Variants in ANO5 observed in about 807,000 individuals in gnomAD.
The protein encoded by ANO5 is anoctamin-5.
Under a neutral mutation model 121.0 loss-of-function variants are expected in ANO5, and 109 were observed. The observed-to-expected ratio is 0.90, with a 90% CI of 0.77 to 1.06. ANO5 has a LOEUF of 1.06. Ranked by LOEUF, ANO5 falls within the 50% of genes least tolerant of loss-of-function variation. ANO5 has a pLI of 0.00. For synonymous variants in ANO5, 406 were observed against 359.9 expected (o/e 1.13, Z -1.45); for missense variants, 1,064 against 1,078.5 (o/e 0.99, Z 0.19).
intron 9 of ANO5, among the ~76,000 whole-genome samples, chr11:22,245,663 C>T (rs775970334): frequency 3.3e-5 from 5 of 152,068 alleles, no homozygotes; most frequent in Non-Finnish European, 4.4e-5. Flanking sequence ...TTTTTATGGA[C>T]GTGGCCTACC....
rs139303302 is a variant in ANO5 at position 22,270,346 on chromosome 11, C to T, written c.1933C>T (p.Arg645Trp). Residue 645 changes from arginine (R) to tryptophan (W), a missense_variant, in exon 18 of 22, where the codon CGG (arginine) becomes TGG (tryptophan). Physicochemically the swap from Arg to Trp is moderately radical, Grantham distance 101. Coordinates refer to ENST00000324559, the MANE Select transcript of ANO5 (RefSeq NM_213599.3). ...ALNWWRRRKA[R>W]TNSEKLYSRW... is the part of the protein sequence containing the mutation. ...GAATTGGTGGAGACGCCGAAAAGCT[C>T]GGACAAACTCTGAGAAGCTGTATAG... is the stretch of plus-strand genomic sequence containing the variant. 19 of 1,614,120 alleles carry T rather than the reference C, an allele frequency of 1.2e-5. No homozygotes were observed. The African/African-American group carries it at 2.3e-4, about 19-fold the overall frequency.
intron 17 of ANO5, among the ~76,000 whole-genome samples, chr11:22,269,476 AAAGAAAGGAAAGAAAAAAGAAAAGG>A (rs757793241): frequency 0.26 from 19,758 of 77,478 alleles, 2,007 homozygotes; most frequent in Non-Finnish European, 0.33. Flanking sequence ...AGAAAAAAGA[AAAGAAAGGAAAGAAAAAAGAAAAGG>A]AAGGAAAGAA....
chr11:22,243,170 A>G (rs895493648), intron 9 of ANO5, among the ~76,000 whole-genome samples: 5 of 151,982 alleles, frequency 3.3e-5, no homozygotes, highest in African/African-American at 1.2e-4. Context: ...AGATGATCAT[A>G]TGTTAATAGT....
At chr11:22,250,166 G>A (rs1853756790) in intron 9 of ANO5, 71 bp from the exon 10 acceptor site, 1 of 1,415,236 alleles carries the variant, frequency 7.1e-7, no homozygotes. Context: ...ATGCCTGTCT[G>A]AATACAAAAT....
chr11:22,268,681 C>A (rs1403908020), intron 17 of ANO5, among the ~76,000 whole-genome samples: 1 of 152,084 alleles, frequency 6.6e-6, no homozygotes, highest in Non-Finnish European at 1.5e-5. Flanking sequence ...TTATTTTGTT[C>A]TTGATTCTAA....
At chr11:22,256,096 A>G (rs899217159) in intron 13 of ANO5, among the ~76,000 whole-genome samples, 1 of 152,172 alleles carries the variant, frequency 6.6e-6, no homozygotes, top group African/African-American at 2.4e-5. Flanking sequence ...AGAAGTCTAC[A>G]TATTAGAATG....
intron 1 of ANO5, among the ~76,000 whole-genome samples, chr11:22,194,865 TTTGC>T (rs1851758176): frequency 3.9e-5 from 6 of 152,210 alleles, no homozygotes; most frequent in Admixed American, 3.9e-4. Flanking sequence ...TCCACTTTCT[TTTGC>T]TTCTATGAAT....
intron 9 of ANO5, 100 bp downstream of exon 9, chr11:22,239,784 AT>A: frequency 1.1e-6 from 1 of 873,138 alleles, no homozygotes; most frequent in South Asian, 1.4e-5. Context: ...CTCCCACTAC[AT>A]TTCACAACTT....
intron 1 of ANO5, among the ~76,000 whole-genome samples, chr11:22,201,307 T>G (rs1266371138): frequency 4.6e-5 from 7 of 152,208 alleles, no homozygotes; most frequent in Non-Finnish European, 8.8e-5. Context: ...GTGCTCACTT[T>G]TCAGAAACTT....
intron 17 of ANO5, among the ~76,000 whole-genome samples, chr11:22,267,508 T>TTATATA (rs567878499): frequency 1.6e-5 from 2 of 126,100 alleles, no homozygotes; most frequent in African/African-American, 9.3e-5. Context: ...ATATCTACAA[T>TTATATA]TATATATATA....
chr11:22,198,553 A>G (rs1018698576), intron 1 of ANO5, among the ~76,000 whole-genome samples: 1 of 152,132 alleles, frequency 6.6e-6, no homozygotes, highest in Non-Finnish European at 1.5e-5. Context: ...TTTTTCACCT[A>G]CTTGTTTTAT....
intron 1 of ANO5, among the ~76,000 whole-genome samples, chr11:22,201,318 A>G (rs1051129745): frequency 6.6e-6 from 1 of 152,230 alleles, no homozygotes; most frequent in African/African-American, 2.4e-5. Flanking sequence ...TCAGAAACTT[A>G]TCTTCTTTTG....
At chr11:22,232,529 A>T (rs1400419566) in intron 7 of ANO5, among the ~76,000 whole-genome samples, 1 of 151,840 alleles carries the variant, frequency 6.6e-6, no homozygotes, top group African/African-American at 2.4e-5. Context: ...CCACTTTCTC[A>T]ATTTTTTATG....
chr11:22,239,302 A>G (rs1210153806), intron 8 of ANO5, among the ~76,000 whole-genome samples: 1 of 152,118 alleles, frequency 6.6e-6, no homozygotes, highest in Non-Finnish European at 1.5e-5. Context: ...ATTTGAGTAG[A>G]GAAGAAAGGG....
At chr11:22,210,140 G>A (rs188738470) in intron 2 of ANO5, among the ~76,000 whole-genome samples, 54 of 151,950 alleles carry the variant, frequency 3.6e-4, no homozygotes, top group African/African-American at 9.6e-4. Flanking sequence ...TGTATTTTAG[G>A]CCTGTATTTA....
At chr11:22,239,472 C>A in intron 8 of ANO5, 97 bp from the exon 9 acceptor site, 4 of 840,206 alleles carry the variant, frequency 4.8e-6, no homozygotes, top group East Asian at 2.5e-5. Context: ...AGAAAACATA[C>A]CCTTGTTTAC....
At chr11:22,243,180 T>C (rs950254131) in intron 9 of ANO5, among the ~76,000 whole-genome samples, 1 of 152,100 alleles carries the variant, frequency 6.6e-6, no homozygotes, top group Non-Finnish European at 1.5e-5. Flanking sequence ...ATGTTAATAG[T>C]TTTTCCTCTT....
chr11:22,206,408 C>T (rs568093495), intron 2 of ANO5, among the ~76,000 whole-genome samples: 67 of 152,134 alleles, frequency 4.4e-4, no homozygotes, highest in South Asian at 1.2e-3. Context: ...CCTCCACCTC[C>T]CAGGTTTAAG....
At chr11:22,257,853 C>A in intron 14 of ANO5, 99 bp downstream of exon 14, 1 of 942,972 alleles carries the variant, frequency 1.1e-6, no homozygotes, top group Non-Finnish European at 1.7e-6. Flanking sequence ...TCTTTCCTTT[C>A]CCTCTCCCTC....
Sources: gnomAD v4.1 joint callset for allele counts (sites outside exome capture counted in the v4.1 genomes callset) on GRCh38, gnomAD v4.1.1 for gene constraint, MANE v1.5 for transcripts, NCBI Gene and HGNC (gene_info 2026-07-23, HGNC 2026-07-21) for gene names.